The following SHE variants were observed in gnomAD, a reference collection of about 807,000 sequenced individuals.
SHE encodes the protein Src homology 2 domain containing E.
In SHE, 11 loss-of-function variants were observed where a neutral mutation model predicts 49.8. The observed-to-expected ratio is 0.22, with a 90% CI of 0.14 to 0.37. The LOEUF (loss-of-function observed/expected upper bound fraction) is 0.37, where lower values mean the gene tolerates loss of function less well. Among genes scored for constraint, SHE ranks in the 10% least tolerant of loss-of-function variants. The pLI is 1.00. For missense variants in SHE, 624 were observed against 655.5 expected, an observed-to-expected ratio of 0.95 and a Z score of 0.52; for synonymous variants, 310 against 278.1, an observed-to-expected ratio of 1.11 and a Z score of -1.14.
intron 1 of SHE, among the ~76,000 whole-genome samples, chr1:154,473,185 A>G (rs1234523156): frequency 7.2e-5 from 11 of 151,876 alleles, no homozygotes; most frequent in Non-Finnish European, 1.3e-4. Context: ...TTTTTAGTAG[A>G]GACGGGGTTT....
rs1692189998 is a variant in SHE at position 154,486,664 on chromosome 1, C to T, written c.1044G>A (p.Glu348=). Residue 348 remains glutamate (E), a synonymous_variant, in exon 4 of 6, where the codon GAG becomes GAA. Coordinates refer to ENST00000304760, the MANE Select transcript of SHE (RefSeq NM_001010846.3). The part of the protein sequence containing the change: ...RALSVQFEGA[E]RPSFREETVR... ...CTGTCTCCTCCCTGAAGGAAGGTCG[C>T]TCAGCTCCTTCAAACTGGACTGGAA... 2.5e-6 allele frequency: 4 copies of T among 1,614,162 alleles called. No individual in the cohort carries two copies. Among genetic ancestry groups the T allele is most frequent in the East Asian group, 4.5e-5 (2 of 44,888 alleles).
downstream of SHE, among the ~76,000 whole-genome samples, chr1:154,476,259 T>C (rs188105539): frequency 2.2e-4 from 33 of 152,194 alleles, no homozygotes; most frequent in African/African-American, 7.7e-4. Context: ...GGTGGGAGAA[T>C]TGCTTGAGCC....
intron 2 of SHE, among the ~76,000 whole-genome samples, chr1:154,490,696 C>G (rs994891894): frequency 2.0e-5 from 3 of 151,936 alleles, no homozygotes; most frequent in African/African-American, 7.3e-5. Flanking sequence ...GGAGAAGCAG[C>G]TGGAAGCATA....
At chr1:154,470,494 CAG>C in intron 1 of SHE, 2 of 884,606 alleles carry the variant, frequency 2.3e-6, no homozygotes, top group South Asian at 2.9e-5. Context: ...GGGCAGGAAA[CAG>C]TGTTTGCCAT....
At chr1:154,484,551 A>G (rs1692113231) in intron 5 of SHE, 2 of 457,760 alleles carry the variant, frequency 4.4e-6, no homozygotes, top group Non-Finnish European at 7.7e-6. Context: ...CTTATCACAT[A>G]TGAGTCATCA....
intron 2 of SHE, among the ~76,000 whole-genome samples, chr1:154,492,092 A>T (rs996819696): frequency 2.0e-5 from 3 of 152,224 alleles, no homozygotes; most frequent in Non-Finnish European, 2.9e-5. Flanking sequence ...CAAATGAGGG[A>T]AACGTTATTA....
rs1480986206 is a variant in SHE at position 154,479,501 on chromosome 1, T to C, written c.*4648A>G. The C allele has an allele frequency of 1.0e-6, 1 of 985,252 alleles. No homozygotes were observed. Among genetic ancestry groups the C allele is most frequent in the East Asian group, 1.1e-4 (1 of 8,832 alleles). The allele number at this position is 985,252 out of a possible 1,614,324, so 61.0% of individuals were successfully genotyped here. On this transcript the variant is annotated 3_prime_UTR_variant, in exon 6 of 6. Coordinates refer to ENST00000304760, the MANE Select transcript of SHE (RefSeq NM_001010846.3). The stretch of plus-strand genomic sequence containing the variant: ...TGTAGTTTTCTTGGAATAATGTTTA[T>C]TTAAAGTTACATTTCAGAGGAAACT...
rs756821070 is a variant in SHE at position 154,489,116 on chromosome 1, C to CTCTCGTCGT, written c.950_958dup (p.Asn317_Glu319dup). ...TGGCTGCTCGTACTCTGCCGCGGGC[C>CTCTCGTCGT]TCTCGTCGTTCTCGGGCAGCCGGCT... On this transcript the variant is annotated inframe_insertion, in exon 3 of 6. Transcript: ENST00000304760. 6.2e-7 allele frequency: 1 copy of CTCTCGTCGT among 1,613,420 alleles called. No individual in the cohort carries two copies. Among genetic ancestry groups the CTCTCGTCGT allele is most frequent in the Admixed American group, 1.7e-5 (1 of 59,956 alleles).
chr1:154,474,056 C>T (rs578029446), intron 1 of SHE, among the ~76,000 whole-genome samples: 13 of 152,220 alleles, frequency 8.5e-5, no homozygotes, highest in South Asian at 2.1e-4. Flanking sequence ...CATGGGGCTC[C>T]GGCCCCCAGC....
At chr1:154,498,768 T>C (rs1283773803) in intron 2 of SHE, among the ~76,000 whole-genome samples, 2 of 152,198 alleles carry the variant, frequency 1.3e-5, no homozygotes, top group East Asian at 3.8e-4. Context: ...ATGACTCCCA[T>C]TATGAATGTT....
rs546687789 is a variant in SHE, at chr1:154,498,124, C to T, written c.718+988G>A. 2.0e-5 allele frequency among the ~76,000 whole-genome samples: 3 copies of T among 152,180 alleles called. No individual in the cohort carries two copies. The East Asian group carries it at 5.8e-4, about 29-fold the overall frequency. On this transcript the variant is annotated intron_variant, in intron 2 of 5. Coordinates refer to ENST00000304760, the MANE Select transcript of SHE (RefSeq NM_001010846.3). ...TTGTTTTTTTTGAGACGGAGTTCCA[C>T]TCTTGTTGCCCAGGCTGGAGTGCAA...
chr1:154,491,923 C>G (rs1398956411), intron 2 of SHE, among the ~76,000 whole-genome samples: 2 of 152,068 alleles, frequency 1.3e-5, no homozygotes, highest in African/African-American at 4.8e-5. Flanking sequence ...GCAAAGAAGG[C>G]TGAGGGGTCA....
At position 154,480,849 on chromosome 1, in the gene SHE, T is replaced by C; in HGVS notation, c.*3300A>G. On this transcript the variant is annotated 3_prime_UTR_variant, in exon 6 of 6. Transcript: ENST00000304760. Reference sequence around the variant, plus strand: ...GTATCAAAGTAAATAGCAAGGTCCTTTACTCTCTCTTCTTATAGGCCTGAA... The same window carrying C: ...GTATCAAAGTAAATAGCAAGGTCCTCTACTCTCTCTTCTTATAGGCCTGAA... 1 of 985,414 alleles carries C rather than the reference T, an allele frequency of 1.0e-6. No individual in the cohort carries two copies. The highest frequency in any genetic ancestry group is 1.2e-6 in the Non-Finnish European group (1 of 829,920). The allele number at this position is 985,414 out of a possible 1,614,324, so 61.0% of individuals were successfully genotyped here. A position where few individuals can be genotyped will look rare whatever the true frequency, so the allele number is the denominator to read the frequency against.
At chr1:154,496,332 A>G (rs1692530245) in intron 2 of SHE, among the ~76,000 whole-genome samples, 1 of 152,262 alleles carries the variant, frequency 6.6e-6, no homozygotes, top group Admixed American at 6.5e-5. Context: ...CCAACTGAAT[A>G]TATTAATTTT....
At chr1:154,499,693 G>A (rs1692649163) in intron 1 of SHE, among the ~76,000 whole-genome samples, 1 of 152,208 alleles carries the variant, frequency 6.6e-6, no homozygotes, top group Admixed American at 6.5e-5. Flanking sequence ...GCTAGGCACT[G>A]TGAAGGAGTC....
At position 154,483,634 on chromosome 1, in the gene SHE, G is replaced by A. The variant is rs1176313337; in HGVS notation, c.*515C>T. 1.2e-5 allele frequency: 12 copies of A among 985,958 alleles called. No individual in the cohort carries two copies. The Admixed American group carries it at 5.5e-4, about 45-fold the overall frequency. 61.1% of individuals were successfully genotyped at this position (985,958 alleles called of 1,614,324 possible). ...AACAGCTAAATCATGATTTCTTATT[G>A]TAGAACTACTTAGCAAGGAAACAAG... On this transcript the variant is annotated 3_prime_UTR_variant, in exon 6 of 6. Coordinates refer to ENST00000304760, the MANE Select transcript of SHE (RefSeq NM_001010846.3).
chr1:154,470,386 G>A (rs903250966), intron 1 of SHE: 29 of 1,289,054 alleles, frequency 2.2e-5, no homozygotes, highest in Middle Eastern at 2.1e-4. Context: ...CAAGGAATAT[G>A]CAGTTACTGG....
In SHE at chr1:154,481,661, C is replaced by T. The variant is rs557537480; in HGVS notation, c.*2488G>A. On this transcript the variant is annotated 3_prime_UTR_variant, in exon 6 of 6. Transcript: ENST00000304760. ...TTTGTAGAATAAGGTTAAGTAAAAA[C>T]GTTTCATTTCTAGAATGTTAAACTA... is the stretch of plus-strand genomic sequence containing the variant. 15 of 977,840 alleles carry T rather than the reference C, an allele frequency of 1.5e-5. No individual in the cohort carries two copies. In the East Asian group the frequency reaches 8.0e-4, roughly 52 times the overall value. 60.6% of individuals were successfully genotyped at this position (977,840 alleles called of 1,614,324 possible). A position where few individuals can be genotyped will look rare whatever the true frequency, so the allele number is the denominator to read the frequency against.
At chr1:154,477,934 C>T (rs893562254), downstream of SHE, among the ~76,000 whole-genome samples, 1 of 151,254 alleles carries the variant, frequency 6.6e-6, no homozygotes, top group Non-Finnish European at 1.5e-5. Context: ...GAAAACTCTG[C>T]ACTCATTAAA....
Sources: gnomAD v4.1 joint callset for allele counts (sites outside exome capture counted in the v4.1 genomes callset) on GRCh38, gnomAD v4.1.1 for gene constraint, MANE v1.5 for transcripts, NCBI Gene and HGNC (gene_info 2026-07-23, HGNC 2026-07-21) for gene names.